Variants in OTOGL observed in about 807,000 individuals in gnomAD.
The protein encoded by OTOGL is otogelin-like protein.
In OTOGL, 285 loss-of-function variants were observed where a neutral mutation model predicts 318.5. The ratio of observed to expected loss-of-function variants is 0.89; its 90% CI spans 0.81 to 0.99. The LOEUF is 0.99. Ranked by LOEUF, OTOGL falls within the 50% of genes least tolerant of loss-of-function variation. OTOGL has a pLI of 0.00. For synonymous variants in OTOGL, 987 were observed against 936.5 expected (o/e 1.05, Z -0.99); for missense variants, 2,899 against 2,845.6 (o/e 1.02, Z -0.43).
intron 29 of OTOGL, among the ~76,000 whole-genome samples, chr12:80,306,877 G>A (rs1045138083): frequency 6.6e-6 from 1 of 150,406 alleles, no homozygotes; most frequent in African/African-American, 2.5e-5. Context: ...AGGATCACAG[G>A]ACAATAGTGG....
intron 1 of OTOGL, among the ~76,000 whole-genome samples, chr12:80,171,784 A>T (rs1874221248): frequency 6.6e-6 from 1 of 152,190 alleles, no homozygotes; most frequent in Admixed American, 6.5e-5. Flanking sequence ...TTTCTAGTCC[A>T]TGAACACTAG....
chr12:80,377,296 CAACGCTT>C (rs1193097668), intron 58 of OTOGL, 94 bp downstream of exon 58: 2 of 765,358 alleles, frequency 2.6e-6, no homozygotes, highest in Non-Finnish European at 2.1e-6. Context: ...AACAAACTGC[CAACGCTT>C]AACAATATTT....
rs1172678861 is a variant in OTOGL, at chr12:80,379,005, T to C, written c.*957T>C. 1 of 152,480 alleles carries C rather than the reference T, an allele frequency of 6.6e-6. No individual in the cohort carries two copies. The highest frequency in any genetic ancestry group is 6.6e-5 in the Admixed American group (1 of 15,236). 9.4% of individuals were successfully genotyped at this position (152,480 alleles called of 1,614,324 possible). On this transcript the variant is annotated 3_prime_UTR_variant, in exon 59 of 59. Transcript: ENST00000547103. ...ATTTTGAGGATGTACTTGCATACTG[T>C]TGAAGTTGAGTGCTGTTTTGCTGTT...
At chr12:80,279,953 C>A (rs1592649578) in intron 26 of OTOGL, among the ~76,000 whole-genome samples, 1 of 151,848 alleles carries the variant, frequency 6.6e-6, no homozygotes. Context: ...CGCAACCTTG[C>A]CAACATCTGT....
intron 1 of OTOGL, among the ~76,000 whole-genome samples, chr12:80,207,937 A>G (rs1017633166): frequency 2.0e-5 from 3 of 152,316 alleles, no homozygotes; most frequent in Admixed American, 2.0e-4. Context: ...TTAGATTTAT[A>G]TGATTGTCTA....
intron 3 of OTOGL, 61 bp downstream of exon 3, chr12:80,210,947 T>C (rs1877206570): frequency 8.6e-7 from 1 of 1,159,528 alleles, no homozygotes; most frequent in Non-Finnish European, 1.1e-6. Context: ...TGAGCAAACC[T>C]CAGCAGGCAA....
intron 1 of OTOGL, among the ~76,000 whole-genome samples, chr12:80,170,178 GGTGTGT>G (rs532627744): frequency 3.1e-4 from 45 of 144,154 alleles, no homozygotes; most frequent in South Asian, 6.7e-4. Context: ...CTTTGTCAGG[GGTGTGT>G]GTGTGTGTGT....
chr12:80,372,624 T>C (rs755230865), intron 57 of OTOGL, among the ~76,000 whole-genome samples: 3 of 152,104 alleles, frequency 2.0e-5, no homozygotes, highest in Non-Finnish European at 4.4e-5. Flanking sequence ...ATTATTTTCA[T>C]AATTAAAGCT....
chr12:80,277,854 A>G (rs1883924591), intron 24 of OTOGL, among the ~76,000 whole-genome samples: 1 of 151,492 alleles, frequency 6.6e-6, no homozygotes, highest in African/African-American at 2.4e-5. Context: ...CATTTCCTCT[A>G]TAAATTTTTT....
At chr12:80,206,977 G>T (rs1876855729) in intron 1 of OTOGL, among the ~76,000 whole-genome samples, 2 of 152,154 alleles carry the variant, frequency 1.3e-5, no homozygotes, top group African/African-American at 2.4e-5. Flanking sequence ...TATGAAACTT[G>T]AGATGAAAAG....
At position 80,246,241 on chromosome 12, in the gene OTOGL, G is replaced by A. The variant is rs11507954; in HGVS notation, c.1053-5452G>A. Among the ~76,000 whole-genome samples the A allele has an allele frequency of 1.4e-3, 212 of 147,092 alleles. 15 individuals carry two copies. The highest frequency in any genetic ancestry group is 4.8e-3 in the South Asian group (23 of 4,814). ...AGAGAGAGCATCCCTGTCTTGTGCC[G>A]GTTTTCAAAGGGAATGCTTCCAGTT... On this transcript the variant is annotated intron_variant, in intron 11 of 58. Transcript: ENST00000547103.
rs78926151 is a variant in OTOGL, at chr12:80,253,143, A to G, written c.1286-323A>G. The stretch of plus-strand genomic sequence containing the variant: ...TCTTGGAATGAACAGAAACTAAACT[A>G]AAAATGTACTTTCTCCCTCCTTCTC... On this transcript the variant is annotated intron_variant, in intron 13 of 58. Coordinates refer to ENST00000547103, the MANE Select transcript of OTOGL (RefSeq NM_001378609.3). 1.4e-3 allele frequency among the ~76,000 whole-genome samples: 218 copies of G among 152,244 alleles called. 2 individuals are homozygous for G. The East Asian group carries it at 0.019, about 14-fold the overall frequency.
intron 9 of OTOGL, among the ~76,000 whole-genome samples, chr12:80,237,022 C>G (rs1344894907): frequency 6.6e-6 from 1 of 151,770 alleles, no homozygotes; most frequent in South Asian, 2.1e-4. Context: ...ACCGTGTTGG[C>G]CAGGCCAGTC....
At chr12:80,119,246 C>G (rs1460253585) in intron 1 of OTOGL, among the ~76,000 whole-genome samples, 2 of 152,184 alleles carry the variant, frequency 1.3e-5, no homozygotes, top group Non-Finnish European at 2.9e-5. Flanking sequence ...GAATGCAAGA[C>G]TCTCTCTTGA....
chr12:80,326,348 T>C (rs1305551876), intron 35 of OTOGL, among the ~76,000 whole-genome samples: 1 of 152,110 alleles, frequency 6.6e-6, no homozygotes, highest in Non-Finnish European at 1.5e-5. Flanking sequence ...AATATGCCTA[T>C]TATGAGAACC....
At chr12:80,323,378 G>A (rs911074561) in intron 34 of OTOGL, among the ~76,000 whole-genome samples, 1 of 152,206 alleles carries the variant, frequency 6.6e-6, no homozygotes, top group Non-Finnish European at 1.5e-5. Context: ...GCCAGGTGCA[G>A]TGGCTCACAC....
intron 26 of OTOGL, 116 bp from the exon 27 acceptor site, chr12:80,296,711 T>C (rs200525786): frequency 2.3e-5 from 1 of 44,288 alleles, no homozygotes; most frequent in Admixed American, 5.3e-4. Context: ...TAGAGGTAAG[T>C]TGTTTTTCAG....
At chr12:80,373,292 C>T (rs1478684379) in intron 57 of OTOGL, among the ~76,000 whole-genome samples, 1 of 152,038 alleles carries the variant, frequency 6.6e-6, no homozygotes, top group African/African-American at 2.4e-5. Context: ...ATTAGCTGGA[C>T]ATAGCAGCAT....
chr12:80,227,697 A>C (rs1383650399), intron 7 of OTOGL, among the ~76,000 whole-genome samples: 1 of 152,126 alleles, frequency 6.6e-6, no homozygotes, highest in Non-Finnish European at 1.5e-5. Context: ...GGATTCATGG[A>C]TCCTGAGAAC....
Sources: gnomAD v4.1 joint callset for allele counts (sites outside exome capture counted in the v4.1 genomes callset) on GRCh38, gnomAD v4.1.1 for gene constraint, MANE v1.5 for transcripts, NCBI Gene and HGNC (gene_info 2026-07-23, HGNC 2026-07-21) for gene names.